The following KIAA0513 variants were observed in gnomAD, a reference collection of about 807,000 sequenced individuals.
KIAA0513 encodes the protein uncharacterized protein KIAA0513.
KIAA0513 carries 39 observed loss-of-function variants against 56.5 expected under a neutral mutation model. The observed-to-expected ratio is 0.69, with a 90% confidence interval of 0.53 to 0.90. The LOEUF is 0.90. Ranked by LOEUF, KIAA0513 falls within the 40% of genes least tolerant of loss-of-function variation. KIAA0513 has a pLI of 0.00. For synonymous variants in KIAA0513, 268 were observed against 215.6 expected (o/e 1.24, Z -2.13); for missense variants, 591 against 535.2 (o/e 1.10, Z -1.03).
chr16:85,034,698 C>T (rs1048468479), intron 1 of KIAA0513, among the ~76,000 whole-genome samples: 3 of 152,164 alleles, frequency 2.0e-5, no homozygotes, highest in Non-Finnish European at 2.9e-5. Flanking sequence ...CCTCTGTCCA[C>T]GCCCAGCTGT....
chr16:85,032,382 G>A (rs1448744022), intron 1 of KIAA0513, among the ~76,000 whole-genome samples: 1 of 152,330 alleles, frequency 6.6e-6, no homozygotes, highest in East Asian at 1.9e-4. Context: ...TGCCCAGGCC[G>A]TAGTGCAGGG....
At chr16:85,035,560 C>T (rs1444820582) in intron 1 of KIAA0513, among the ~76,000 whole-genome samples, 3 of 152,142 alleles carry the variant, frequency 2.0e-5, no homozygotes, top group Non-Finnish European at 4.4e-5. Flanking sequence ...GTGCAATCAC[C>T]GCTCACTGCA....
chr16:85,062,233 C>T (rs186886874), intron 1 of KIAA0513, among the ~76,000 whole-genome samples: 135 of 152,072 alleles, frequency 8.9e-4, no homozygotes, highest in African/African-American at 3.0e-3. Context: ...CACACACACA[C>T]ACCCCATAAG....
chr16:85,075,990 T>C, intron 5 of KIAA0513, 76 bp downstream of exon 5: 1 of 1,235,394 alleles, frequency 8.1e-7, no homozygotes, highest in Non-Finnish European at 1.2e-6. Flanking sequence ...GGAAGCTTTC[T>C]TCATGATAAA....
intron 1 of KIAA0513, among the ~76,000 whole-genome samples, chr16:85,055,732 C>A (rs770182752): frequency 6.6e-6 from 1 of 152,196 alleles, no homozygotes; most frequent in African/African-American, 2.4e-5. Context: ...AATGAGGTTT[C>A]CATTTGCCCT....
Position 85,071,853 on chromosome 16 carries a change from G to C in KIAA0513, c.400G>C (p.Glu134Gln). The C allele has an allele frequency of 1.2e-6, 2 of 1,613,212 alleles. No individual in the cohort carries two copies. Among genetic ancestry groups the C allele is most frequent in the South Asian group, 1.1e-5 (1 of 91,044 alleles). The change falls in exon 3 of 13, where the codon GAG (glutamate) becomes CAG (glutamine). Residue 134 changes from glutamate to glutamine, a missense_variant. By Grantham distance (29) the Glu-to-Gln change is conservative (BLOSUM62 2). Coordinates refer to ENST00000683363, the MANE Select transcript of KIAA0513 (RefSeq NM_001388359.1). ...YCSSENGKGR[E>Q]WFARYVSAQR... ...CAGCAGTGAAAATGGAAAAGGCCGG[G>C]AGTGGTTTGCTCGATACGTGAGTGC...
chr16:85,054,351 C>T (rs1465453832), intron 1 of KIAA0513, among the ~76,000 whole-genome samples: 4 of 151,484 alleles, frequency 2.6e-5, no homozygotes, highest in Non-Finnish European at 4.4e-5. Context: ...TCTTCACATT[C>T]AAAGACCCAT....
At chr16:85,035,614 C>T (rs1404272938) in intron 1 of KIAA0513, among the ~76,000 whole-genome samples, 1 of 152,194 alleles carries the variant, frequency 6.6e-6, no homozygotes, top group Non-Finnish European at 1.5e-5. Flanking sequence ...CCTCAGCCTG[C>T]CAAGTAGCTG....
intron 1 of KIAA0513, among the ~76,000 whole-genome samples, chr16:85,029,349 G>C (rs993227483): frequency 6.6e-5 from 10 of 152,340 alleles, no homozygotes; most frequent in African/African-American, 2.4e-4. Flanking sequence ...TATGGGATGT[G>C]TCAGTTAGTG....
intron 1 of KIAA0513, among the ~76,000 whole-genome samples, chr16:85,030,284 A>C (rs543599471): frequency 6.6e-6 from 1 of 152,330 alleles, no homozygotes; most frequent in East Asian, 1.9e-4. Context: ...GTGAGGCAAG[A>C]GAGCACGCAG....
intron 1 of KIAA0513, among the ~76,000 whole-genome samples, chr16:85,028,181 G>C: frequency 6.6e-6 from 1 of 152,222 alleles, no homozygotes; most frequent in African/African-American, 2.4e-5. Context: ...GCCTGGAGGA[G>C]GCGCCCCCAA....
chr16:85,083,602 T>C (rs761202437), intron 10 of KIAA0513, among the ~76,000 whole-genome samples: 2 of 152,144 alleles, frequency 1.3e-5, no homozygotes, highest in African/African-American at 2.4e-5. Context: ...TGAGAGCTGG[T>C]TGGTACTGCT....
At chr16:85,059,742 A>T (rs1408284717) in intron 1 of KIAA0513, among the ~76,000 whole-genome samples, 1 of 152,236 alleles carries the variant, frequency 6.6e-6, no homozygotes, top group African/African-American at 2.4e-5. Flanking sequence ...GAGCTGTCTC[A>T]TGTTAGCACG....
chr16:85,073,575 G>T (rs2073610946), intron 4 of KIAA0513, among the ~76,000 whole-genome samples: 1 of 152,178 alleles, frequency 6.6e-6, no homozygotes, highest in South Asian at 2.1e-4. Flanking sequence ...ACCCCATGAG[G>T]CATAGACCCT....
chr16:85,042,291 C>G (rs1050058122), intron 1 of KIAA0513, among the ~76,000 whole-genome samples: 1 of 152,170 alleles, frequency 6.6e-6, no homozygotes, highest in Non-Finnish European at 1.5e-5. Context: ...TTGCTAATCA[C>G]GTGCGGTCTG....
intron 10 of KIAA0513, among the ~76,000 whole-genome samples, chr16:85,084,147 C>T (rs1329794091): frequency 2.7e-5 from 4 of 149,052 alleles, no homozygotes; most frequent in African/African-American, 9.9e-5. Context: ...CTGCAACCTC[C>T]ATCTCCTGGG....
At chr16:85,069,790 A>G (rs1385748507) in intron 2 of KIAA0513, among the ~76,000 whole-genome samples, 4 of 152,084 alleles carry the variant, frequency 2.6e-5, no homozygotes, top group Non-Finnish European at 4.4e-5. Context: ...GTGCCCTTTA[A>G]CAAGATCAGT....
chr16:85,045,715 A>C (rs1046376672), intron 1 of KIAA0513, among the ~76,000 whole-genome samples: 2 of 152,108 alleles, frequency 1.3e-5, no homozygotes, highest in African/African-American at 2.4e-5. Context: ...CGTTTTGAAG[A>C]GTCAGTGGTC....
chr16:85,065,570 C>A (rs984740285), intron 1 of KIAA0513, among the ~76,000 whole-genome samples: 3 of 152,188 alleles, frequency 2.0e-5, no homozygotes, highest in Non-Finnish European at 2.9e-5. Context: ...TTGGAGGAAT[C>A]CATCATCAAT....
Sources: allele counts gnomAD v4.1 joint callset (sites outside exome capture counted in the v4.1 genomes callset), GRCh38; gene constraint gnomAD v4.1.1; transcripts MANE v1.5; gene names NCBI Gene and HGNC (gene_info 2026-07-23, HGNC 2026-07-21).